CYP2C19: variants seen among roughly 807,000 people sequenced by gnomAD.
CYP2C19 encodes cytochrome P450 2C19.
In CYP2C19, 59 loss-of-function variants were observed where a neutral mutation model predicts 40.9. The ratio of observed to expected loss-of-function variants is 1.44; its 90% CI spans 1.17 to 1.79. The LOEUF (loss-of-function observed/expected upper bound fraction) is 1.79, where lower values mean the gene tolerates loss of function less well. Ranked by LOEUF, CYP2C19 falls within the 40% of genes most tolerant of loss-of-function variation. The pLI, the probability that CYP2C19 is intolerant of heterozygous loss-of-function variation, is 0.00. For missense variants in CYP2C19, 754 were observed against 596.9 expected (o/e 1.26, Z -2.74); for synonymous variants, 253 against 208.7 (o/e 1.21, Z -1.83).
intron 6 of CYP2C19, among the ~76,000 whole-genome samples, chr10:94,828,494 T>A (rs1272089445): frequency 2.7e-5 from 4 of 147,492 alleles, no homozygotes; most frequent in Non-Finnish European, 3.0e-5. Context: ...ACCCCTGCCT[T>A]TTTTTGTTTT....
At chr10:94,765,914 G>C (rs1324009336) in intron 1 of CYP2C19, among the ~76,000 whole-genome samples, 1 of 152,078 alleles carries the variant, frequency 6.6e-6, no homozygotes, top group Non-Finnish European at 1.5e-5. Flanking sequence ...TCATACAGGG[G>C]CTTGGAAAGT....
chr10:94,808,673 G>A (rs1848870222), intron 5 of CYP2C19, among the ~76,000 whole-genome samples: 1 of 152,142 alleles, frequency 6.6e-6, no homozygotes. Context: ...ACAAATAAGT[G>A]AGAACATGTG....
At chr10:94,822,584 T>C (rs1343791165) in intron 6 of CYP2C19, among the ~76,000 whole-genome samples, 1 of 152,196 alleles carries the variant, frequency 6.6e-6, no homozygotes, top group Admixed American at 6.5e-5. Context: ...GGGGGGCATA[T>C]ACTCAATAGT....
At chr10:94,790,888 G>T (rs887538110) in intron 5 of CYP2C19, among the ~76,000 whole-genome samples, 2 of 152,102 alleles carry the variant, frequency 1.3e-5, no homozygotes, top group African/African-American at 2.4e-5. Context: ...CTCACAAAAT[G>T]ATTAGAGAGA....
chr10:94,841,028 C>T (rs184986565), intron 6 of CYP2C19, among the ~76,000 whole-genome samples: 77 of 152,306 alleles, frequency 5.1e-4, no homozygotes, highest in African/African-American at 1.8e-3. Flanking sequence ...GGTCCTTGCT[C>T]ACAGAGCTCC....
At chr10:94,767,173 TA>T (rs1365350477) in intron 1 of CYP2C19, among the ~76,000 whole-genome samples, 3 of 152,008 alleles carry the variant, frequency 2.0e-5, no homozygotes, top group African/African-American at 7.3e-5. Flanking sequence ...GACAAAAGAG[TA>T]AAGAGTAGGC....
intron 5 of CYP2C19, among the ~76,000 whole-genome samples, chr10:94,793,053 C>G (rs922983467): frequency 2.6e-5 from 4 of 152,106 alleles, no homozygotes; most frequent in Non-Finnish European, 5.9e-5. Flanking sequence ...TTGTTCATTT[C>G]TTTTTACTCT....
At chr10:94,802,708 G>A (rs1039299228) in intron 5 of CYP2C19, among the ~76,000 whole-genome samples, 1 of 152,038 alleles carries the variant, frequency 6.6e-6, no homozygotes, top group Non-Finnish European at 1.5e-5. Flanking sequence ...GTGTGTTTTT[G>A]CAGTGGCTGG....
intron 5 of CYP2C19, among the ~76,000 whole-genome samples, chr10:94,800,473 G>A (rs555609478): frequency 6.6e-6 from 1 of 152,344 alleles, no homozygotes; most frequent in Admixed American, 6.5e-5. Flanking sequence ...TAGGCTACAC[G>A]GGGTTCAGGT....
chr10:94,779,071 C>A (rs1342336030), intron 3 of CYP2C19, among the ~76,000 whole-genome samples: 1 of 151,966 alleles, frequency 6.6e-6, no homozygotes, highest in Non-Finnish European at 1.5e-5. Context: ...AATGAGAACA[C>A]ATGGACACAG....
chr10:94,813,504 A>C (rs1283638094), intron 5 of CYP2C19, among the ~76,000 whole-genome samples: 1 of 152,028 alleles, frequency 6.6e-6, no homozygotes, highest in East Asian at 1.9e-4. Flanking sequence ...CTAGAGGGGC[A>C]GTATGGCTAC....
intron 5 of CYP2C19, among the ~76,000 whole-genome samples, chr10:94,799,600 T>C (rs190271807): frequency 2.8e-3 from 424 of 152,308 alleles, no homozygotes; most frequent in African/African-American, 9.8e-3. Context: ...TTTTCCAACT[T>C]GGTTCCATTC....
chr10:94,782,573 C>G (rs1848493444), intron 5 of CYP2C19, among the ~76,000 whole-genome samples: 1 of 152,068 alleles, frequency 6.6e-6, no homozygotes, highest in African/African-American at 2.4e-5. Flanking sequence ...GGATCTAGAA[C>G]TAGAAATACC....
At chr10:94,811,475 G>T (rs929911032) in intron 5 of CYP2C19, among the ~76,000 whole-genome samples, 2 of 152,156 alleles carry the variant, frequency 1.3e-5, no homozygotes, top group Non-Finnish European at 2.9e-5. Flanking sequence ...AATATTGACA[G>T]TGGGGTGTTA....
intron 7 of CYP2C19, among the ~76,000 whole-genome samples, chr10:94,846,101 C>T (rs140223682): frequency 6.6e-6 from 1 of 152,040 alleles, no homozygotes; most frequent in South Asian, 2.1e-4. Context: ...TCTTAAGGAA[C>T]ATTTTAATTA....
chr10:94,766,890 C>G (rs1179615792), intron 1 of CYP2C19, among the ~76,000 whole-genome samples: 1 of 151,984 alleles, frequency 6.6e-6, no homozygotes, highest in East Asian at 1.9e-4. Flanking sequence ...TGGTCCTTCC[C>G]ACAAAGAGGC....
intron 5 of CYP2C19, among the ~76,000 whole-genome samples, chr10:94,818,012 CAAAAAA>C (rs71031597): frequency 1.3e-5 from 1 of 77,150 alleles, no homozygotes; most frequent in Non-Finnish European, 2.5e-5. Flanking sequence ...GACTCCATCT[CAAAAAA>C]AAAAAAAAAA....
Position 94,841,010 on chromosome 10 carries a change from A to C in CYP2C19, c.962-1827A>C, listed in dbSNP as rs180860737. 2.5e-3 allele frequency among the ~76,000 whole-genome samples: 385 copies of C among 152,280 alleles called. 2 individuals are homozygous for C. Among genetic ancestry groups the C allele is most frequent in the African/African-American group, 8.1e-3 (337 of 41,556 alleles). On this transcript the variant is annotated intron_variant, in intron 6 of 8. Transcript: ENST00000371321. ...GTCCCTTTGTTGTCACCAAAATGTT[A>C]CCAAGGGGGTCCTTGCTCACAGAGC... is the stretch of plus-strand genomic sequence containing the variant.
chr10:94,780,729 T>A (rs1272117484), intron 4 of CYP2C19, 70 bp downstream of exon 4: 1 of 1,547,552 alleles, frequency 6.5e-7, no homozygotes, highest in African/African-American at 1.4e-5. Flanking sequence ...CAAAATTCTA[T>A]ATTGACCAAG....
Sources: gnomAD v4.1 joint callset for allele counts (sites outside exome capture counted in the v4.1 genomes callset) on GRCh38, gnomAD v4.1.1 for gene constraint, MANE v1.5 for transcripts, NCBI Gene and HGNC (gene_info 2026-07-23, HGNC 2026-07-21) for gene names.